MAF: variants seen among roughly 807,000 people sequenced by gnomAD.
The protein encoded by MAF is MAF bZIP transcription factor.
Under a neutral mutation model 22.0 loss-of-function variants are expected in MAF, and 10 were observed. The ratio of observed to expected loss-of-function variants is 0.45; its 90% CI spans 0.28 to 0.77. The LOEUF (loss-of-function observed/expected upper bound fraction) is 0.77, where lower values mean the gene tolerates loss of function less well. MAF is among the 30% of genes least tolerant of loss of function. The pLI, the probability that MAF is intolerant of heterozygous loss-of-function variation, is 0.12. For missense variants in MAF, 544 were observed against 548.4 expected (o/e 0.99, Z 0.08); for synonymous variants, 337 against 255.8 (o/e 1.32, Z -3.03).
At chr16:79,533,468 T>C in the MAF span, among the ~76,000 whole-genome samples, 1 of 152,178 alleles carries the variant, frequency 6.6e-6, no homozygotes, top group African/African-American at 2.4e-5. Flanking sequence ...GTGTGGTCAT[T>C]CACAACCACT....
chr16:79,210,868 A>G, the MAF span, among the ~76,000 whole-genome samples: 1 of 152,070 alleles, frequency 6.6e-6, no homozygotes, highest in African/African-American at 2.4e-5. Context: ...GATCAGCTGC[A>G]CTCTTTGCAA....
chr16:79,530,593 G>A, the MAF span, among the ~76,000 whole-genome samples: 31 of 152,246 alleles, frequency 2.0e-4, no homozygotes, highest in African/African-American at 7.2e-4. Flanking sequence ...ATATATATTT[G>A]TGCCTCAAAA....
chr16:79,561,932 G>A, the MAF span, among the ~76,000 whole-genome samples: 1 of 152,150 alleles, frequency 6.6e-6, no homozygotes, highest in Non-Finnish European at 1.5e-5. Flanking sequence ...CTGGGTACAA[G>A]CGAGCCAAGA....
the MAF span, among the ~76,000 whole-genome samples, chr16:79,363,431 C>A: frequency 6.6e-6 from 1 of 152,162 alleles, no homozygotes; most frequent in African/African-American, 2.4e-5. Flanking sequence ...TACAGTTGGG[C>A]AAAATCATCT....
chr16:79,579,871 G>A, the MAF span, among the ~76,000 whole-genome samples: 2 of 152,148 alleles, frequency 1.3e-5, no homozygotes, highest in South Asian at 2.1e-4. Flanking sequence ...GAATGGCACT[G>A]TGACATGTTG....
chr16:79,460,342 G>A, the MAF span, among the ~76,000 whole-genome samples: 20 of 151,990 alleles, frequency 1.3e-4, no homozygotes, highest in Admixed American at 3.3e-4. Context: ...GGAAACTAAC[G>A]AAAAATGGAT....
the MAF span, among the ~76,000 whole-genome samples, chr16:79,340,011 C>G: frequency 6.6e-6 from 1 of 152,176 alleles, no homozygotes; most frequent in African/African-American, 2.4e-5. Context: ...ACACAGCCAA[C>G]TGATTAGTTT....
the MAF span, among the ~76,000 whole-genome samples, chr16:79,426,146 T>C: frequency 0.63 from 95,870 of 151,612 alleles, 31,021 homozygotes; most frequent in East Asian, 0.92. Context: ...GTGGAGGTTA[T>C]AGGGAGCCGA....
At chr16:79,468,357 T>G in the MAF span, among the ~76,000 whole-genome samples, 15 of 152,174 alleles carry the variant, frequency 9.9e-5, no homozygotes, top group Admixed American at 8.5e-4. Flanking sequence ...AGCCCTCAAC[T>G]AAAATGCTGA....
At chr16:79,540,544 C>G in the MAF span, among the ~76,000 whole-genome samples, 1 of 152,186 alleles carries the variant, frequency 6.6e-6, no homozygotes, top group African/African-American at 2.4e-5. Flanking sequence ...CTCCCATCAG[C>G]ACCCCACCCT....
chr16:79,384,043 A>G, the MAF span, among the ~76,000 whole-genome samples: 33 of 152,246 alleles, frequency 2.2e-4, no homozygotes, highest in African/African-American at 8.0e-4. Flanking sequence ...CAGCCAATTT[A>G]GGTTCAGATC....
At chr16:79,575,396 C>T in the MAF span, among the ~76,000 whole-genome samples, 1 of 152,224 alleles carries the variant, frequency 6.6e-6, no homozygotes, top group African/African-American at 2.4e-5. Flanking sequence ...TCCTATAACC[C>T]CATTTTCAGA....
the MAF span, among the ~76,000 whole-genome samples, chr16:79,417,414 G>A: frequency 6.6e-6 from 1 of 152,220 alleles, no homozygotes; most frequent in Non-Finnish European, 1.5e-5. Flanking sequence ...ATTCTATTTT[G>A]AAGGTGGAGG....
chr16:79,463,478 C>T, the MAF span, among the ~76,000 whole-genome samples: 1 of 152,136 alleles, frequency 6.6e-6, no homozygotes, highest in African/African-American at 2.4e-5. Context: ...TAAACTGTGG[C>T]AAACCTGTGC....
At chr16:79,446,705 A>G in the MAF span, among the ~76,000 whole-genome samples, 2 of 151,834 alleles carry the variant, frequency 1.3e-5, no homozygotes, top group Admixed American at 6.6e-5. Flanking sequence ...TGAACCCAGA[A>G]GTTCAAGACC....
At chr16:79,224,483 C>G in the MAF span, among the ~76,000 whole-genome samples, 5 of 152,130 alleles carry the variant, frequency 3.3e-5, no homozygotes, top group South Asian at 6.2e-4. Flanking sequence ...TGCTCCTATT[C>G]CACATAGTAT....
At chr16:79,286,194 T>A in the MAF span, among the ~76,000 whole-genome samples, 1 of 152,244 alleles carries the variant, frequency 6.6e-6, no homozygotes. Flanking sequence ...ACTTTTTAAA[T>A]ACTTTTTTGT....
the MAF span, among the ~76,000 whole-genome samples, chr16:79,555,144 G>C: frequency 6.6e-6 from 1 of 152,224 alleles, no homozygotes; most frequent in Non-Finnish European, 1.5e-5. Context: ...ACTGTGAGCT[G>C]TGAAGCAGTG....
the MAF span, among the ~76,000 whole-genome samples, chr16:79,521,298 T>C: frequency 6.6e-6 from 1 of 152,256 alleles, no homozygotes; most frequent in African/African-American, 2.4e-5. Flanking sequence ...AATTATATGA[T>C]GGGGAATTGT....
Sources: allele counts gnomAD v4.1 joint callset (sites outside exome capture counted in the v4.1 genomes callset), GRCh38; gene constraint gnomAD v4.1.1; transcripts MANE v1.5; gene names NCBI Gene and HGNC (gene_info 2026-07-23, HGNC 2026-07-21).